Variants in WAPL observed in about 807,000 individuals in gnomAD.
The protein encoded by WAPL is wings apart-like protein homolog.
In WAPL, 5 loss-of-function variants were observed where a neutral mutation model predicts 121.0. That is an observed-to-expected ratio of 0.04 (90% CI 0.02 to 0.09). The LOEUF is 0.09. WAPL is among the 10% of genes least tolerant of loss of function. WAPL has a pLI of 1.00. For synonymous variants in WAPL, 480 were observed against 481.5 expected, an observed-to-expected ratio of 1.00 and a Z score of 0.04; for missense variants, 999 against 1,410.8, an observed-to-expected ratio of 0.71 and a Z score of 4.68.
At chr10:86,492,411 T>G (rs1842068775) in intron 4 of WAPL, among the ~76,000 whole-genome samples, 1 of 152,194 alleles carries the variant, frequency 6.6e-6, no homozygotes, top group Admixed American at 6.5e-5. Flanking sequence ...CACGTGGTAC[T>G]GGACTAGCAC....
rs1564564289 is a variant in WAPL at position 86,452,100 on chromosome 10, T to C, written c.2981A>G (p.Tyr994Cys). The change falls in exon 15 of 19, where the codon TAT becomes TGT. Residue 994 changes from tyrosine to cysteine, a missense_variant. Tyr to Cys is a radical substitution (Grantham distance 194, BLOSUM62 -2). Coordinates refer to ENST00000298767, the MANE Select transcript of WAPL (RefSeq NM_015045.5). ...AAGACAGTGCCGATTCCGAGCACTA[T>C]ACTCCACTAGATTTATCAGCAGACC... Reference protein sequence around the residue: ...GLGLLINLVEYSARNRHCLVN... With the variant: ...GLGLLINLVECSARNRHCLVN... 1 of 1,614,124 alleles carries C rather than the reference T, an allele frequency of 6.2e-7. No homozygotes were observed. Among genetic ancestry groups the C allele is most frequent in the Non-Finnish European group, 8.5e-7 (1 of 1,180,028 alleles).
chr10:86,494,700 G>A (rs982335626), intron 4 of WAPL, among the ~76,000 whole-genome samples: 1 of 152,162 alleles, frequency 6.6e-6, no homozygotes, highest in Non-Finnish European at 1.5e-5. Context: ...AGTGTATGAT[G>A]TTACAAAGCA....
intron 15 of WAPL, among the ~76,000 whole-genome samples, chr10:86,451,538 G>A (rs1459562054): frequency 6.6e-6 from 1 of 151,980 alleles, no homozygotes; most frequent in Non-Finnish European, 1.5e-5. Flanking sequence ...GATTACAGGT[G>A]CATGCCACCA....
At chr10:86,447,511 A>G (rs1439697238) in intron 15 of WAPL, among the ~76,000 whole-genome samples, 1 of 152,200 alleles carries the variant, frequency 6.6e-6, no homozygotes, top group African/African-American at 2.4e-5. Context: ...ACAAAATGCC[A>G]TTTAAGGAAA....
intron 2 of WAPL, among the ~76,000 whole-genome samples, chr10:86,507,509 A>G (rs1380160689): frequency 6.6e-6 from 1 of 152,002 alleles, no homozygotes. Flanking sequence ...ATTTTACACC[A>G]TATTTATAAT....
At chr10:86,477,526 G>C (rs1024615674) in intron 4 of WAPL, among the ~76,000 whole-genome samples, 23 of 152,258 alleles carry the variant, frequency 1.5e-4, no homozygotes, top group African/African-American at 4.3e-4. Flanking sequence ...TACAGGGCCA[G>C]GTACCGTGAC....
intron 17 of WAPL, among the ~76,000 whole-genome samples, chr10:86,442,327 C>T (rs574456444): frequency 4.6e-5 from 7 of 152,174 alleles, no homozygotes; most frequent in Admixed American, 1.3e-4. Context: ...CCACCATGCC[C>T]GGCCACAAGA....
chr10:86,446,188 A>G (rs1849613227), intron 16 of WAPL, 54 bp downstream of exon 16: 1 of 1,595,136 alleles, frequency 6.3e-7, no homozygotes, highest in Non-Finnish European at 8.6e-7. Flanking sequence ...TGAAGAAAAA[A>G]ACAAAATCAA....
intron 15 of WAPL, among the ~76,000 whole-genome samples, chr10:86,447,876 C>T (rs1231641706): frequency 1.3e-5 from 2 of 151,896 alleles, no homozygotes; most frequent in South Asian, 4.2e-4. Context: ...ACAGTGAAAC[C>T]ACCTCTACTA....
chr10:86,442,650 G>T (rs1849497908), intron 17 of WAPL, among the ~76,000 whole-genome samples: 1 of 152,010 alleles, frequency 6.6e-6, no homozygotes. Context: ...ACCTATATTG[G>T]AAAGGATTAG....
At chr10:86,445,295 C>A (rs949323382) in intron 16 of WAPL, among the ~76,000 whole-genome samples, 1 of 152,062 alleles carries the variant, frequency 6.6e-6, no homozygotes, top group Non-Finnish European at 1.5e-5. Context: ...TATTTACTAA[C>A]CTGTATTATT....
At chr10:86,457,327 T>A (rs1326196380) in intron 12 of WAPL, among the ~76,000 whole-genome samples, 3 of 111,196 alleles carry the variant, frequency 2.7e-5, no homozygotes, top group Admixed American at 1.9e-4. Flanking sequence ...CTGTATCTAT[T>A]AAAAAAAAAA....
At chr10:86,469,138 T>C (rs1841471688) in intron 8 of WAPL, among the ~76,000 whole-genome samples, 2 of 150,870 alleles carry the variant, frequency 1.3e-5, no homozygotes, top group Non-Finnish European at 2.9e-5. Context: ...AATACAAAAA[T>C]TAGCCTGGCG....
intron 9 of WAPL, among the ~76,000 whole-genome samples, chr10:86,465,425 C>T (rs192119222): frequency 6.6e-6 from 1 of 152,120 alleles, no homozygotes; most frequent in Non-Finnish European, 1.5e-5. Flanking sequence ...AGACTGGTCT[C>T]GAACTCCTGG....
chr10:86,454,566 G>A lies in WAPL; in HGVS notation c.2658-735C>T, dbSNP rs919820516. On this transcript the variant is annotated intron_variant, in intron 12 of 18. Coordinates refer to ENST00000298767, the MANE Select transcript of WAPL (RefSeq NM_015045.5). ...CTGGTTTTTGCTGGAGTGCAGTGGCGTGATCTTGGCTCGCTACAACCTCCA... is the reference window on the plus strand; with the variant it reads ...CTGGTTTTTGCTGGAGTGCAGTGGCATGATCTTGGCTCGCTACAACCTCCA... Among the ~76,000 whole-genome samples, 10 of 152,348 alleles carry A rather than the reference G, an allele frequency of 6.6e-5. No homozygotes were observed. The South Asian group carries it at 8.3e-4, about 13-fold the overall frequency.
At chr10:86,453,114 A>G in intron 14 of WAPL, 106 bp downstream of exon 14, 2 of 602,088 alleles carry the variant, frequency 3.3e-6, no homozygotes, top group Middle Eastern at 3.2e-4. Context: ...ATGAAAAAAA[A>G]CCCACAATAT....
In WAPL at chr10:86,468,478, G is replaced by A. The variant is rs576702344; in HGVS notation, c.2143-972C>T. 1.3e-3 allele frequency among the ~76,000 whole-genome samples: 200 copies of A among 152,036 alleles called. 1 individual carries two copies. Among genetic ancestry groups the A allele is most frequent in the African/African-American group, 4.2e-3 (173 of 41,518 alleles). On this transcript the variant is annotated intron_variant, in intron 8 of 18. Coordinates refer to ENST00000298767, the MANE Select transcript of WAPL (RefSeq NM_015045.5). ...CTCTCAAAATGCTAAGATTACAGGC[G>A]TGAGCCACCACGCCCAGCCTATTCT... is the stretch of plus-strand genomic sequence containing the variant.
At position 86,517,771 on chromosome 10, in the gene WAPL, G is replaced by C. The variant is rs1198121372; in HGVS notation, c.299C>G (p.Ser100Cys). Reference sequence around the variant, plus strand: ...CTCTTCCAACTGAGCAGCTTCACTAGATTCTGAATAAGAGGAACACTTAAC... The same window carrying C: ...CTCTTCCAACTGAGCAGCTTCACTACATTCTGAATAAGAGGAACACTTAAC... ...AQVKCSSYSE[S>C]SEAAQLEEVT... is the part of the protein sequence containing the mutation. Residue 100 changes from serine (S) to cysteine (C), a missense_variant, in exon 2 of 19, where the codon TCT becomes TGT. Transcript: ENST00000298767. 2 of 1,614,040 alleles carry C rather than the reference G, an allele frequency of 1.2e-6. No homozygotes were observed. The highest frequency in any genetic ancestry group is 2.7e-5 in the African/African-American group (2 of 74,908).
intron 9 of WAPL, 58 bp from the exon 10 acceptor site, chr10:86,461,345 G>GT (rs997815530): frequency 1.4e-6 from 2 of 1,400,606 alleles, no homozygotes; most frequent in African/African-American, 1.4e-5. Context: ...TCTAGAAATT[G>GT]TTTCTCTTTA....
Sources: allele counts gnomAD v4.1 joint callset (sites outside exome capture counted in the v4.1 genomes callset), GRCh38; gene constraint gnomAD v4.1.1; transcripts MANE v1.5; gene names NCBI Gene and HGNC (gene_info 2026-07-23, HGNC 2026-07-21).